The following ADGRB3 variants were observed in gnomAD, a reference collection of about 807,000 sequenced individuals.
ADGRB3 encodes the protein adhesion G protein-coupled receptor B3.
A neutral mutation model predicts 193.4 loss-of-function variants in ADGRB3; 37 were observed. That is an observed-to-expected ratio of 0.19 (90% CI 0.15 to 0.25). The LOEUF is 0.25. Ranked by LOEUF, ADGRB3 falls within the 10% of genes least tolerant of loss-of-function variation. ADGRB3 has a pLI of 1.00. For synonymous variants in ADGRB3, 690 were observed against 644.2 expected (o/e 1.07, Z -1.08); for missense variants, 1,637 against 1,852.9 (o/e 0.88, Z 2.14).
chr6:69,052,574 T>G (rs1771429682), intron 15 of ADGRB3, among the ~76,000 whole-genome samples: 2 of 152,352 alleles, frequency 1.3e-5, no homozygotes, highest in South Asian at 4.1e-4. Flanking sequence ...TCATAGAGAC[T>G]ATGAAGGAGG....
chr6:68,817,791 G>A (rs960296851), intron 3 of ADGRB3, among the ~76,000 whole-genome samples: 1 of 152,030 alleles, frequency 6.6e-6, no homozygotes, highest in African/African-American at 2.4e-5. Context: ...ACTAAAAACA[G>A]TGGTATTGTA....
At chr6:69,028,644 AT>A (rs1419940463) in intron 13 of ADGRB3, among the ~76,000 whole-genome samples, 3 of 152,170 alleles carry the variant, frequency 2.0e-5, no homozygotes, top group African/African-American at 7.2e-5. Flanking sequence ...AGACACAACT[AT>A]TCATGGTGTC....
intron 15 of ADGRB3, among the ~76,000 whole-genome samples, chr6:69,053,936 T>C (rs1420315602): frequency 2.0e-5 from 3 of 152,210 alleles, no homozygotes; most frequent in African/African-American, 4.8e-5. Context: ...CAATCATTTG[T>C]CTGATTCATT....
At chr6:69,376,082 CTTTTTTTTTTTTT>C (rs58780409) in intron 30 of ADGRB3, among the ~76,000 whole-genome samples, 9 of 67,382 alleles carry the variant, frequency 1.3e-4, no homozygotes, top group East Asian at 6.0e-4. Flanking sequence ...ATTATGTAGC[CTTTTTTTTTTTTT>C]TTTTTTTTTT....
chr6:69,157,487 T>A (rs1774873929), intron 17 of ADGRB3, among the ~76,000 whole-genome samples: 1 of 152,176 alleles, frequency 6.6e-6, no homozygotes, highest in Non-Finnish European at 1.5e-5. Context: ...CTTCCTTTTC[T>A]TTTTTCTTGT....
intron 3 of ADGRB3, among the ~76,000 whole-genome samples, chr6:68,742,413 G>A (rs112040895): frequency 1.3e-5 from 2 of 148,904 alleles, no homozygotes; most frequent in African/African-American, 4.9e-5. Flanking sequence ...CTGACAGAGG[G>A]GAAAAAGAAA....
At chr6:69,226,348 T>C (rs1019560365) in intron 17 of ADGRB3, among the ~76,000 whole-genome samples, 1 of 152,164 alleles carries the variant, frequency 6.6e-6, no homozygotes, top group Non-Finnish European at 1.5e-5. Context: ...TCCAACTATA[T>C]CAAATCAAAA....
At chr6:69,232,809 C>T (rs1317460329) in intron 17 of ADGRB3, among the ~76,000 whole-genome samples, 3 of 152,206 alleles carry the variant, frequency 2.0e-5, no homozygotes, top group Admixed American at 6.5e-5. Flanking sequence ...AGCTATGTAA[C>T]CTTTTAGTCA....
chr6:69,014,656 C>T (rs538241641), intron 12 of ADGRB3, among the ~76,000 whole-genome samples: 60 of 151,922 alleles, frequency 3.9e-4, no homozygotes, highest in African/African-American at 1.4e-3. Flanking sequence ...TTTGCATAGC[C>T]ATTTGTGGTA....
chr6:68,994,357 CAT>C (rs1769325994), intron 11 of ADGRB3, among the ~76,000 whole-genome samples: 1 of 151,996 alleles, frequency 6.6e-6, no homozygotes, highest in Non-Finnish European at 1.5e-5. Context: ...TGCAAAAAAA[CAT>C]AGTTTAAAGT....
At chr6:69,225,134 G>T (rs1485637219) in intron 17 of ADGRB3, among the ~76,000 whole-genome samples, 1 of 152,062 alleles carries the variant, frequency 6.6e-6, no homozygotes, top group Non-Finnish European at 1.5e-5. Context: ...TATCTGACTT[G>T]CATTCAGTCT....
chr6:68,890,125 A>C (rs978741772), intron 3 of ADGRB3, among the ~76,000 whole-genome samples: 19 of 152,214 alleles, frequency 1.2e-4, no homozygotes, highest in Non-Finnish European at 4.4e-5. Context: ...CCTTTTAATA[A>C]AGTACCAAGA....
chr6:68,975,487 T>G (rs1768717202), intron 10 of ADGRB3, 147 bp downstream of exon 10: 1 of 599,282 alleles, frequency 1.7e-6, no homozygotes, highest in African/African-American at 1.9e-5. Context: ...GATAGAAAGC[T>G]AATTTTTATA....
chr6:69,313,087 T>G (rs1176989629), intron 20 of ADGRB3, among the ~76,000 whole-genome samples: 2 of 151,874 alleles, frequency 1.3e-5, no homozygotes, highest in African/African-American at 2.4e-5. Flanking sequence ...TTTGGTAGCT[T>G]TAGTTACCAG....
chr6:68,794,900 C>T (rs945768690), intron 3 of ADGRB3, among the ~76,000 whole-genome samples: 1 of 152,088 alleles, frequency 6.6e-6, no homozygotes, highest in Admixed American at 6.6e-5. Context: ...GCAAAACACT[C>T]TATTTCCTCC....
chr6:68,743,351 T>TG (rs57794730), intron 3 of ADGRB3, among the ~76,000 whole-genome samples: 40,312 of 150,060 alleles, frequency 0.27, 5,873 homozygotes, highest in Non-Finnish European at 0.33. Context: ...GTTTTTTTTT[T>TG]TGTGTGTGTG....
chr6:68,687,386 T>C (rs1295868844), intron 3 of ADGRB3, among the ~76,000 whole-genome samples: 1 of 152,178 alleles, frequency 6.6e-6, no homozygotes, highest in African/African-American at 2.4e-5. Flanking sequence ...TGCATGGATT[T>C]GCAATGTTTT....
rs539475258 is a variant in ADGRB3 at position 68,925,748 on chromosome 6, T to G, written c.758-4811T>G. Among the ~76,000 whole-genome samples the G allele has an allele frequency of 1.5e-3, 227 of 152,162 alleles. 1 individual carries two copies. The highest frequency in any genetic ancestry group is 3.4e-3 in the Middle Eastern group (1 of 294). Reference sequence around the variant, plus strand: ...TCTCAAATGTAGCTCAATAATATTTTGATTATAATAGTTTTATATATTTCA... The same window carrying G: ...TCTCAAATGTAGCTCAATAATATTTGGATTATAATAGTTTTATATATTTCA... On this transcript the variant is annotated intron_variant, in intron 3 of 31. Coordinates refer to ENST00000370598, the MANE Select transcript of ADGRB3 (RefSeq NM_001704.3).
chr6:68,647,642 A>G (rs556150870), intron 3 of ADGRB3, among the ~76,000 whole-genome samples: 1 of 152,314 alleles, frequency 6.6e-6, no homozygotes, highest in Admixed American at 6.5e-5. Flanking sequence ...CACGACTTAG[A>G]TCAAGATAGT....
Sources: allele counts gnomAD v4.1 joint callset (sites outside exome capture counted in the v4.1 genomes callset), GRCh38; gene constraint gnomAD v4.1.1; transcripts MANE v1.5; gene names NCBI Gene and HGNC (gene_info 2026-07-23, HGNC 2026-07-21).